The following SENP7 variants were observed in gnomAD, a reference collection of about 807,000 sequenced individuals.
The protein encoded by SENP7 is SUMO specific peptidase 7.
Under a neutral mutation model 141.2 loss-of-function variants are expected in SENP7, and 64 were observed. The observed-to-expected ratio is 0.45, with a 90% CI of 0.37 to 0.56. The LOEUF (loss-of-function observed/expected upper bound fraction) is 0.56. SENP7 is among the 20% of genes least tolerant of loss of function. The probability of loss-of-function intolerance (pLI) is 0.00; values close to 1 mark genes in which losing one functional copy is unlikely to be tolerated. For missense variants in SENP7, 1,025 were observed against 1,212.2 expected (o/e 0.85, Z 2.29); for synonymous variants, 382 against 426.4 (o/e 0.90, Z 1.28).
chr3:101,325,802 C>T lies in SENP7; in HGVS notation c.*141G>A, dbSNP rs2107168800. On this transcript the variant is annotated 3_prime_UTR_variant, in exon 24 of 24. Coordinates refer to ENST00000394095, the MANE Select transcript of SENP7 (RefSeq NM_020654.5). Reference sequence around the variant, plus strand: ...CCAACAATTCTAATAATGTGTCCTACATATTTTAAATAATGTTCCAATGAC... The same window carrying T: ...CCAACAATTCTAATAATGTGTCCTATATATTTTAAATAATGTTCCAATGAC... The T allele has an allele frequency of 1.5e-6, 1 of 677,468 alleles. No individual in the cohort carries two copies. Among genetic ancestry groups the T allele is most frequent in the Non-Finnish European group, 2.3e-6 (1 of 436,764 alleles). 42.0% of individuals were successfully genotyped at this position (677,468 alleles called of 1,614,324 possible).
At position 101,469,449 on chromosome 3, in the gene SENP7, C is replaced by T. The variant is rs558992387; in HGVS notation, c.187-10397G>A. On this transcript the variant is annotated intron_variant, in intron 3 of 23. Transcript: ENST00000394095. The stretch of plus-strand genomic sequence containing the variant: ...TTCCACCCCAAATCAACAGAATATA[C>T]ATTCTTCTCAGCACCACATCACACT... 7.9e-5 allele frequency among the ~76,000 whole-genome samples: 12 copies of T among 152,016 alleles called. No individual in the cohort carries two copies. The East Asian group carries it at 1.2e-3, about 15-fold the overall frequency.
At chr3:101,331,930 A>C in intron 19 of SENP7, 55 bp downstream of exon 19, 1 of 1,563,240 alleles carries the variant, frequency 6.4e-7, no homozygotes, top group Non-Finnish European at 8.8e-7. Context: ...CTTCCCTGTA[A>C]CCATTAAATT....
At chr3:101,414,154 A>G (rs2061533793) in intron 5 of SENP7, 1 of 516,546 alleles carries the variant, frequency 1.9e-6, no homozygotes, top group South Asian at 2.8e-5. Context: ...AGATCCTTTA[A>G]AAGACAGATT....
intron 6 of SENP7, among the ~76,000 whole-genome samples, chr3:101,373,459 A>G (rs998725991): frequency 6.6e-6 from 1 of 152,158 alleles, no homozygotes; most frequent in Non-Finnish European, 1.5e-5. Flanking sequence ...ATAAAATGTG[A>G]CCTAAAAGAC....
At position 101,358,334 on chromosome 3, in the gene SENP7, G is replaced by A. The variant is rs75016057; in HGVS notation, c.1623+3381C>T. On this transcript the variant is annotated intron_variant, in intron 11 of 23. Transcript: ENST00000394095. ...ACATAAAATAATTCATATTGCACAG[G>A]AAACCTACAGAGTCAATAATGTGGC... is the stretch of plus-strand genomic sequence containing the variant. 1.5e-3 allele frequency: 1,070 copies of A among 728,450 alleles called. 6 individuals carry two copies. The African/African-American group carries it at 0.018, about 12-fold the overall frequency. The allele number at this position is 728,450 out of a possible 1,614,324, so 45.1% of individuals were successfully genotyped here. A position where few individuals can be genotyped will look rare whatever the true frequency, so the allele number is the denominator to read the frequency against.
At position 101,343,851 on chromosome 3, in the gene SENP7, T is replaced by G; in HGVS notation, c.1941A>C (p.Gly647=). ...DIMTEISIIS[G]ELELSYPLSW... is the part of the protein sequence containing the mutation. ...ACAACGGGTAAGAAAGCTCTAATTC[T>G]CCACTGATTATACTTATTTCCGTCA... is the stretch of plus-strand genomic sequence containing the variant. Residue 647 remains glycine, a synonymous_variant, in exon 14 of 24, where the codon GGA becomes GGC. Transcript: ENST00000394095. The G allele has an allele frequency of 6.2e-7, 1 of 1,613,826 alleles. No individual in the cohort carries two copies. The highest frequency in any genetic ancestry group is 8.5e-7 in the Non-Finnish European group (1 of 1,179,828).
Position 101,380,445 on chromosome 3 carries a change from C to CCCA in SENP7, c.678-8320_678-8319insTGG, listed in dbSNP as rs58844573. Among the ~76,000 whole-genome samples the CCCA allele has an allele frequency of 3.4e-3, 437 of 128,822 alleles. 7 individuals are homozygous for CCCA. Among genetic ancestry groups the CCCA allele is most frequent in the African/African-American group, 0.011 (391 of 35,514 alleles). The allele number at this position is 128,822 out of a possible 152,430, so 84.5% of individuals were successfully genotyped here. ...GTAAAGCAAACCACCGCCCCCCCCC[C>CCCA]CACACACACACACAAAACAAAACAT... is the stretch of plus-strand genomic sequence containing the variant. On this transcript the variant is annotated intron_variant, in intron 6 of 23. Transcript: ENST00000394095.
chr3:101,451,937 A>C (rs964642841), intron 4 of SENP7, among the ~76,000 whole-genome samples: 4 of 152,242 alleles, frequency 2.6e-5, no homozygotes, highest in Non-Finnish European at 5.9e-5. Flanking sequence ...CTGTTTGCAG[A>C]TGACATGATT....
chr3:101,457,623 G>A, intron 4 of SENP7: 7 of 1,562,858 alleles, frequency 4.5e-6, no homozygotes, highest in Admixed American at 1.7e-5. Flanking sequence ...TGCTGTGGCT[G>A]TTCTATGAAC....
intron 8 of SENP7, 109 bp from the exon 9 acceptor site, chr3:101,366,878 A>G: frequency 3.0e-6 from 2 of 670,722 alleles, no homozygotes; most frequent in Non-Finnish European, 4.9e-6. Context: ...CTATAACTAC[A>G]TGGATAGAAA....
chr3:101,507,816 C>T (rs757351708), intron 1 of SENP7, among the ~76,000 whole-genome samples: 1 of 151,976 alleles, frequency 6.6e-6, no homozygotes, highest in African/African-American at 2.4e-5. Context: ...TTTGGGAGGC[C>T]AAGGCAGGTG....
At chr3:101,418,516 T>C (rs1279158561) in intron 4 of SENP7, among the ~76,000 whole-genome samples, 1 of 152,172 alleles carries the variant, frequency 6.6e-6, no homozygotes, top group Non-Finnish European at 1.5e-5. Flanking sequence ...TAAAACAATG[T>C]CAAGTGAGGA....
At chr3:101,361,688 A>G in intron 11 of SENP7, 27 bp downstream of exon 11, 1 of 1,511,636 alleles carries the variant, frequency 6.6e-7, no homozygotes. Context: ...ATCCAAACTA[A>G]AAGAAAATTA....
intron 5 of SENP7, among the ~76,000 whole-genome samples, chr3:101,410,161 A>G (rs760191924): frequency 1.8e-4 from 27 of 152,188 alleles, no homozygotes; most frequent in Admixed American, 2.6e-4. Flanking sequence ...AGATATACAA[A>G]TGGCCAAAAA....
chr3:101,344,418 C>T (rs1210628522), intron 13 of SENP7, among the ~76,000 whole-genome samples: 4 of 152,144 alleles, frequency 2.6e-5, no homozygotes, highest in African/African-American at 9.7e-5. Context: ...ATTTTCCCCA[C>T]CTTCTCTGCT....
chr3:101,480,301 T>C (rs1292276081), intron 3 of SENP7, among the ~76,000 whole-genome samples: 1 of 152,108 alleles, frequency 6.6e-6, no homozygotes, highest in Non-Finnish European at 1.5e-5. Context: ...CAAAACAGCA[T>C]AGTACTGGTA....
At chr3:101,494,072 G>GT in intron 2 of SENP7, 104 bp from the exon 3 acceptor site, 1 of 513,052 alleles carries the variant, frequency 1.9e-6, no homozygotes, top group Non-Finnish European at 3.5e-6. Context: ...TTTGCTAACT[G>GT]TTTTAAGGAG....
chr3:101,402,518 AGGCT>A, intron 5 of SENP7, among the ~76,000 whole-genome samples: 1 of 141,060 alleles, frequency 7.1e-6, no homozygotes, highest in Non-Finnish European at 1.5e-5. Context: ...GCTACTTCAG[AGGCT>A]GAGGCAGGAG....
chr3:101,359,774 T>G (rs980746355), intron 11 of SENP7, among the ~76,000 whole-genome samples: 2 of 152,142 alleles, frequency 1.3e-5, no homozygotes, highest in African/African-American at 4.8e-5. Flanking sequence ...CGATATATAC[T>G]ATACAGTGAA....
Sources: gnomAD v4.1 joint callset for allele counts (sites outside exome capture counted in the v4.1 genomes callset) on GRCh38, gnomAD v4.1.1 for gene constraint, MANE v1.5 for transcripts, NCBI Gene and HGNC (gene_info 2026-07-23, HGNC 2026-07-21) for gene names.